RYR2: variants seen among roughly 807,000 people sequenced by gnomAD.
The protein encoded by RYR2 is cardiac muscle ryanodine receptor-calcium release channel.
RYR2 carries 227 observed loss-of-function variants against 601.1 expected under a neutral mutation model. The observed-to-expected ratio is 0.38, with a 90% CI of 0.34 to 0.42. The LOEUF is 0.42. Ranked by LOEUF, RYR2 falls within the 10% of genes least tolerant of loss-of-function variation. The pLI, the probability that RYR2 is intolerant of heterozygous loss-of-function variation, is 1.00. For synonymous variants in RYR2, 2,223 were observed against 2,175.1 expected (o/e 1.02, Z -0.61); for missense variants, 4,646 against 6,156.5 (o/e 0.75, Z 8.21).
chr1:237,732,298 T>A, intron 78 of RYR2, 149 bp downstream of exon 78: 1 of 477,636 alleles, frequency 2.1e-6, no homozygotes, highest in Non-Finnish European at 3.7e-6. Flanking sequence ...GCCTGGCATG[T>A]ACCTAGGGAC....
chr1:237,821,978 A>G (rs1359931437), intron 101 of RYR2, among the ~76,000 whole-genome samples: 1 of 151,972 alleles, frequency 6.6e-6, no homozygotes, highest in East Asian at 2.0e-4. Flanking sequence ...ATTAGAGAAA[A>G]AAGAGTGAAA....
chr1:237,641,326 C>G (rs1258064510), intron 47 of RYR2, among the ~76,000 whole-genome samples: 1 of 152,094 alleles, frequency 6.6e-6, no homozygotes, highest in Non-Finnish European at 1.5e-5. Context: ...ACAGTGCATC[C>G]AGAAAACAAC....
At chr1:237,427,646 G>A (rs1706307041) in intron 12 of RYR2, among the ~76,000 whole-genome samples, 2 of 151,816 alleles carry the variant, frequency 1.3e-5, no homozygotes, top group Non-Finnish European at 2.9e-5. Context: ...AGCTAGGCGT[G>A]GTGGCATGCA....
chr1:237,394,695 T>C (rs1702667342), intron 10 of RYR2, among the ~76,000 whole-genome samples: 2 of 152,234 alleles, frequency 1.3e-5, no homozygotes, highest in African/African-American at 4.8e-5. Context: ...GGGACTTGTA[T>C]AGCCCAGACA....
Position 237,355,886 on chromosome 1 carries a change from A to G in RYR2, c.274-79A>G, listed in dbSNP as rs575871291. On this transcript the variant is annotated intron_variant, in intron 3 of 104. Coordinates refer to ENST00000366574, the MANE Select transcript of RYR2 (RefSeq NM_001035.3). ...TGGTGCAAGGACCAAATTGATATCA[A>G]TTCATTTAAATGACAGTAATTGAAA... The G allele has an allele frequency of 1.2e-3, 1,510 of 1,280,990 alleles. 9 individuals carry two copies. Among genetic ancestry groups the G allele is most frequent in the East Asian group, 5.7e-3 (229 of 40,094 alleles). 79.4% of individuals were successfully genotyped at this position (1,280,990 alleles called of 1,614,324 possible).
intron 31 of RYR2, 76 bp downstream of exon 31, chr1:237,591,068 T>G: frequency 1.8e-5 from 22 of 1,243,282 alleles, no homozygotes; most frequent in East Asian, 2.7e-5. Context: ...AAGGGTCTCC[T>G]AGTGTAAATT....
At chr1:237,051,318 C>T (rs1186876757) in intron 1 of RYR2, among the ~76,000 whole-genome samples, 2 of 106,518 alleles carry the variant, frequency 1.9e-5, no homozygotes, top group East Asian at 5.9e-4. Context: ...CTTTATCTCT[C>T]TCCCTCCCCT....
At chr1:237,529,107 C>G (rs1366314484) in intron 24 of RYR2, among the ~76,000 whole-genome samples, 4 of 152,120 alleles carry the variant, frequency 2.6e-5, no homozygotes, top group African/African-American at 9.7e-5. Flanking sequence ...TAGATATTTA[C>G]TGAATGAATA....
chr1:237,107,519 C>CAAAAA (rs71561857), intron 1 of RYR2, among the ~76,000 whole-genome samples: 16 of 38,912 alleles, frequency 4.1e-4, no homozygotes, highest in East Asian at 9.0e-4. Context: ...GACTCCATCT[C>CAAAAA]AAAAAAAAAA....
intron 24 of RYR2, among the ~76,000 whole-genome samples, chr1:237,517,611 C>T (rs960137680): frequency 6.6e-6 from 1 of 151,594 alleles, no homozygotes; most frequent in Non-Finnish European, 1.5e-5. Flanking sequence ...AGACTGTAAG[C>T]TCCATGAAGC....
At chr1:237,680,695 C>A in intron 62 of RYR2, 118 bp downstream of exon 62, 1 of 642,958 alleles carries the variant, frequency 1.6e-6, no homozygotes, top group Non-Finnish European at 2.5e-6. Context: ...TTCCCTGGTC[C>A]GTGTCTTCAT....
intron 3 of RYR2, among the ~76,000 whole-genome samples, chr1:237,355,163 C>T (rs1571952260): frequency 6.6e-6 from 1 of 152,052 alleles, no homozygotes; most frequent in Non-Finnish European, 1.5e-5. Context: ...TGAAGCAAGC[C>T]ACAATTCCCA....
intron 2 of RYR2, among the ~76,000 whole-genome samples, chr1:237,297,854 G>A (rs1331699799): frequency 1.3e-5 from 2 of 151,378 alleles, no homozygotes. Flanking sequence ...AAGCACAGGT[G>A]ATTCTCCCAC....
At chr1:237,697,517 C>A (rs777030045) in intron 63 of RYR2, among the ~76,000 whole-genome samples, 5 of 138,952 alleles carry the variant, frequency 3.6e-5, no homozygotes, top group Non-Finnish European at 7.6e-5. Context: ...TATATATAAT[C>A]TTTTTGTATA....
chr1:237,628,190 C>A (rs537864219), intron 41 of RYR2, 110 bp downstream of exon 41: 11 of 1,212,486 alleles, frequency 9.1e-6, no homozygotes, highest in East Asian at 2.5e-5. Context: ...CTGGATTATA[C>A]GATTATTATA....
chr1:237,414,060 T>C (rs1165435626), intron 10 of RYR2, among the ~76,000 whole-genome samples: 1 of 152,166 alleles, frequency 6.6e-6, no homozygotes, highest in Non-Finnish European at 1.5e-5. Flanking sequence ...GATCAGAAAA[T>C]ACGATGAGTA....
chr1:237,367,162 C>T (rs1028058952), intron 5 of RYR2, among the ~76,000 whole-genome samples: 8 of 152,132 alleles, frequency 5.3e-5, no homozygotes, highest in Admixed American at 3.9e-4. Flanking sequence ...GGTGTGACCT[C>T]GGCTCACTGC....
At position 237,755,777 on chromosome 1, in the gene RYR2, C is replaced by T. The variant is rs1269359465; in HGVS notation, c.11146-511C>T. ...GATCTGTATCATAAATCCACTACTT[C>T]GTTGAAGCCTACCTTTTGATTCATA... is the stretch of plus-strand genomic sequence containing the variant. On this transcript the variant is annotated intron_variant, in intron 80 of 104. Coordinates refer to ENST00000366574, the MANE Select transcript of RYR2 (RefSeq NM_001035.3). Among the ~76,000 whole-genome samples the T allele has an allele frequency of 7.9e-5, 12 of 152,098 alleles. No individual in the cohort carries two copies. In the East Asian group the frequency reaches 2.1e-3, roughly 27 times the overall value.
At chr1:237,407,204 T>C (rs1322566656) in intron 10 of RYR2, among the ~76,000 whole-genome samples, 2 of 152,224 alleles carry the variant, frequency 1.3e-5, no homozygotes, top group African/African-American at 4.8e-5. Flanking sequence ...CCAATGGATG[T>C]GTTACAGTTT....
Sources: allele counts gnomAD v4.1 joint callset (sites outside exome capture counted in the v4.1 genomes callset), GRCh38; gene constraint gnomAD v4.1.1; transcripts MANE v1.5; gene names NCBI Gene and HGNC (gene_info 2026-07-23, HGNC 2026-07-21).